Variants in BRCA1 observed in about 807,000 individuals in gnomAD.
BRCA1 encodes the protein breast cancer type 1 susceptibility protein.
In BRCA1, 140 loss-of-function variants were observed where a neutral mutation model predicts 173.7. The ratio of observed to expected loss-of-function variants is 0.81; its 90% confidence interval spans 0.70 to 0.93. BRCA1 has a LOEUF of 0.93. BRCA1 is among the 40% of genes least tolerant of loss of function. The pLI is 0.00. For missense variants in BRCA1, 1,983 were observed against 2,172.5 expected (o/e 0.91, Z 1.73); for synonymous variants, 662 against 756.0 (o/e 0.88, Z 2.04).
rs876660844 is a variant in BRCA1, at chr17:43,115,762, T to G, written c.98A>C (p.Glu33Ala). ...GTGGTCACACTTTGTGGAGACAGGT[T>G]CCTTGATCAACTCCAGACTAGCAGG... ...ECPICLELIK[E>A]PVSTKCDHIF... is the part of the protein sequence containing the mutation. The change falls in exon 3 of 23, where the codon GAA (glutamate) becomes GCA (alanine). Residue 33 changes from glutamate (E) to alanine (A), a missense_variant. Coordinates refer to ENST00000357654, the MANE Select transcript of BRCA1 (RefSeq NM_007294.4). 6.2e-7 allele frequency: 1 copy of G among 1,613,684 alleles called. No individual in the cohort carries two copies. The highest frequency in any genetic ancestry group is 8.5e-7 in the Non-Finnish European group (1 of 1,179,778).
upstream of BRCA1, among the ~76,000 whole-genome samples, chr17:43,128,818 T>A (rs1486594979): frequency 2.2e-5 from 1 of 46,042 alleles, no homozygotes; most frequent in Non-Finnish European, 3.5e-5. Context: ...CAGGCCACAC[T>A]TTTTTTTTTT....
In BRCA1 at chr17:43,132,858, G is replaced by A. The variant is rs11655212; in HGVS notation, c.-19-8743C>T. On this transcript the variant is annotated intron_variant, in intron 1 of 7. Transcript: ENST00000634433. ...GGCTCACTGCAAGCTCTGCCTCCCG[G>A]GTTCACGCCATTCTCCTGCCTCAGC... 1,265 of 152,208 alleles carry A rather than the reference G, an allele frequency of 8.3e-3. 6 individuals are homozygous for A. The highest frequency in any genetic ancestry group is 0.014 in the Non-Finnish European group (964 of 68,048). The allele number at this position is 152,208 out of a possible 1,614,324, so 9.4% of individuals were successfully genotyped here. A position where few individuals can be genotyped will look rare whatever the true frequency, so the allele number is the denominator to read the frequency against.
At chr17:43,113,808 C>A (rs534518690) in intron 3 of BRCA1, among the ~76,000 whole-genome samples, 9 of 152,072 alleles carry the variant, frequency 5.9e-5, no homozygotes, top group Non-Finnish European at 1.3e-4. Flanking sequence ...GTCAGCCAGG[C>A]GCGGTGGCTT....
chr17:43,047,811 A>T, intron 21 of BRCA1, 108 bp from the exon 22 acceptor site: 1 of 1,193,870 alleles, frequency 8.4e-7, no homozygotes, highest in Non-Finnish European at 1.2e-6. Context: ...TTGCTCTGTC[A>T]CCCAGGCTGG....
rs2050846220 is a variant in BRCA1 at position 43,045,574 on chromosome 17, CAGT to C, written c.*101_*103del. ...TACATAAAATATTTAGTAGCCAGGA[CAGT>C]AGAAGGACTGAAGAGTGAGAGGAGC... On this transcript the variant is annotated 3_prime_UTR_variant, in exon 23 of 23. Coordinates refer to ENST00000357654, the MANE Select transcript of BRCA1 (RefSeq NM_007294.4). 4 of 1,497,148 alleles carry C rather than the reference CAGT, an allele frequency of 2.7e-6. No individual in the cohort carries two copies. Among genetic ancestry groups the C allele is most frequent in the South Asian group, 2.3e-5 (2 of 86,202 alleles). The allele number at this position is 1,497,148 out of a possible 1,614,324, so 92.7% of individuals were successfully genotyped here.
intron 7 of BRCA1, among the ~76,000 whole-genome samples, chr17:43,098,054 T>G (rs2054212193): frequency 6.7e-6 from 1 of 149,672 alleles, no homozygotes; most frequent in Non-Finnish European, 1.5e-5. Context: ...TTTGGAGGTC[T>G]TGCTCTGTCA....
chr17:43,154,670 C>G (rs759536425), intron 1 of BRCA1, among the ~76,000 whole-genome samples: 3 of 137,034 alleles, frequency 2.2e-5, no homozygotes, highest in Non-Finnish European at 3.3e-5. Context: ...ACTAATATAA[C>G]AAGTGTTTAT....
chr17:43,095,103 A>ATAC lies in BRCA1; in HGVS notation c.671-244_671-243insGTA, dbSNP rs200368134. Reference sequence around the variant, plus strand: ...TCAGAATTTTCCCTATGCAGAAACCACACCTATTTCTCTAACGTCTAAGAG... The same window carrying ATAC: ...TCAGAATTTTCCCTATGCAGAAACCATACCACCTATTTCTCTAACGTCTAAGAG... On this transcript the variant is annotated intron_variant, in intron 9 of 22. Transcript: ENST00000357654. Among the ~76,000 whole-genome samples, 101 of 129,554 alleles carry ATAC rather than the reference A, an allele frequency of 7.8e-4. No homozygotes were observed. In the Middle Eastern group the frequency reaches 0.016, roughly 20 times the overall value. 85.0% of individuals were successfully genotyped at this position (129,554 alleles called of 152,430 possible). A position where few individuals can be genotyped will look rare whatever the true frequency, so the allele number is the denominator to read the frequency against.
At chr17:43,149,632 A>G (rs1208573685) in intron 1 of BRCA1, among the ~76,000 whole-genome samples, 1 of 152,210 alleles carries the variant, frequency 6.6e-6, no homozygotes, top group Non-Finnish European at 1.5e-5. Flanking sequence ...AGAGTGGTCT[A>G]CTTGATGATA....
At chr17:43,144,280 A>G (rs533727326) in intron 1 of BRCA1, 1 of 293,320 alleles carries the variant, frequency 3.4e-6, no homozygotes, top group Non-Finnish European at 6.8e-6. Context: ...GCCCCCTACC[A>G]TGTCTGAATG....
At chr17:43,080,654 A>T (rs1158494422) in intron 12 of BRCA1, among the ~76,000 whole-genome samples, 4 of 152,076 alleles carry the variant, frequency 2.6e-5, no homozygotes, top group Non-Finnish European at 5.9e-5. Context: ...AAAATAAAAA[A>T]AAAAATTAGC....
chr17:43,067,618 A>G lies in BRCA1; in HGVS notation c.5064T>C (p.Val1688=), dbSNP rs1567771967. 6.2e-7 allele frequency: 1 copy of G among 1,611,436 alleles called. No individual in the cohort carries two copies. The highest frequency in any genetic ancestry group is 8.5e-7 in the Non-Finnish European group (1 of 1,177,566). ...AGGTTCTTGGTATACCTGTTTTCAT[A>G]ACAACATGAGTAGTCTCTTCAGTAA... ...NLITEETTHV[V]MKTDAEFVCE... is the part of the protein sequence containing the mutation. Residue 1688 remains valine, a synonymous_variant, in exon 16 of 23, where the codon GTT becomes GTC. Coordinates refer to ENST00000357654, the MANE Select transcript of BRCA1 (RefSeq NM_007294.4).
At chr17:43,084,107 T>C (rs2053136143) in intron 11 of BRCA1, among the ~76,000 whole-genome samples, 1 of 152,004 alleles carries the variant, frequency 6.6e-6, no homozygotes, top group Admixed American at 6.6e-5. Context: ...CTTGGTTCAC[T>C]GCAAGCTCCG....
intron 13 of BRCA1, among the ~76,000 whole-genome samples, chr17:43,076,210 G>C (rs551636483): frequency 6.6e-6 from 1 of 152,166 alleles, no homozygotes; most frequent in East Asian, 1.9e-4. Flanking sequence ...TCTACCATCA[G>C]TTTCCAAGCT....
chr17:43,143,128 C>CA (rs1209764581), intron 1 of BRCA1, among the ~76,000 whole-genome samples: 1 of 149,790 alleles, frequency 6.7e-6, no homozygotes. Context: ...TTTTGGTAGA[C>CA]ACGGGTTTCT....
In BRCA1 at chr17:43,115,706, C is replaced by CA. The variant is rs768647585; in HGVS notation, c.134+19dup. On this transcript the variant is annotated intron_variant, in intron 3 of 22. Transcript: ENST00000357654. ...AAAACAAAAGCTAATAATGGAGCCA[C>CA]ATAACACATTCAAACTTACTTGCAA... 1.9e-6 allele frequency: 3 copies of CA among 1,610,410 alleles called. No homozygotes were observed. The African/African-American group carries it at 4.0e-5, about 22-fold the overall frequency.
chr17:43,053,561 CT>C (rs1257237405), intron 19 of BRCA1, among the ~76,000 whole-genome samples: 2 of 151,988 alleles, frequency 1.3e-5, no homozygotes, highest in Non-Finnish European at 2.9e-5. Context: ...ACTTGGGAGG[CT>C]GAGGCAGGAG....
In BRCA1 at chr17:43,097,267, G is replaced by T. The variant is rs201536070; in HGVS notation, c.570C>A (p.Thr190=). ...ACCTGCAATAAGTTGCCTTATTAAC[G>T]GTATCTTCAGAAGAATCAGATCCTA... is the stretch of plus-strand genomic sequence containing the variant. ...IELGSDSSED[T]VNKATYCSVG... The change falls in exon 8 of 23, where the codon ACC becomes ACA. Residue 190 remains threonine (T), a synonymous_variant. Transcript: ENST00000357654. The T allele has an allele frequency of 6.2e-7, 1 of 1,613,394 alleles. No homozygotes were observed. Among genetic ancestry groups the T allele is most frequent in the Non-Finnish European group, 8.5e-7 (1 of 1,179,730 alleles).
chr17:43,071,355 A>G, intron 14 of BRCA1, 117 bp from the exon 15 acceptor site: 1 of 1,156,408 alleles, frequency 8.6e-7, no homozygotes, highest in African/African-American at 1.5e-5. Flanking sequence ...AAATGGGTAC[A>G]TGAATACAGT....
Sources: gnomAD v4.1 joint callset for allele counts (sites outside exome capture counted in the v4.1 genomes callset) on GRCh38, gnomAD v4.1.1 for gene constraint, MANE v1.5 for transcripts, NCBI Gene and HGNC (gene_info 2026-07-23, HGNC 2026-07-21) for gene names.